Variants in TNS3 observed in about 807,000 individuals in gnomAD.
The protein encoded by TNS3 is tensin 3.
Under a neutral mutation model 140.9 loss-of-function variants are expected in TNS3, and 45 were observed. The ratio of observed to expected loss-of-function variants is 0.32; its 90% CI spans 0.25 to 0.41. The LOEUF (loss-of-function observed/expected upper bound fraction) is 0.41. TNS3 is among the 10% of genes least tolerant of loss of function. TNS3 has a pLI of 1.00. For missense variants in TNS3, 1,716 were observed against 1,906.7 expected (o/e 0.90, Z 1.86); for synonymous variants, 815 against 788.4 (o/e 1.03, Z -0.56).
At chr7:47,462,763 T>C (rs1796541481) in intron 4 of TNS3, among the ~76,000 whole-genome samples, 1 of 152,054 alleles carries the variant, frequency 6.6e-6, no homozygotes, top group Non-Finnish European at 1.5e-5. Flanking sequence ...CTTTTCTACC[T>C]CCCTAGAACT....
intron 13 of TNS3, chr7:47,405,586 A>G (rs1278492997): frequency 1.4e-6 from 1 of 703,024 alleles, no homozygotes. Flanking sequence ...GTGGGTAAAT[A>G]TTGGCTGCAA....
chr7:47,525,062 G>A (rs1799141906), intron 2 of TNS3, among the ~76,000 whole-genome samples: 1 of 152,150 alleles, frequency 6.6e-6, no homozygotes, highest in Non-Finnish European at 1.5e-5. Flanking sequence ...AAAAACCAGT[G>A]CTACACTGGG....
At chr7:47,326,428 T>C (rs1248526722) in intron 20 of TNS3, among the ~76,000 whole-genome samples, 1 of 152,110 alleles carries the variant, frequency 6.6e-6, no homozygotes, top group Non-Finnish European at 1.5e-5. Flanking sequence ...TGTAATACAA[T>C]TACTCTGCCC....
chr7:47,395,101 G>A (rs561695950), intron 16 of TNS3, among the ~76,000 whole-genome samples: 6 of 152,214 alleles, frequency 3.9e-5, no homozygotes, highest in Admixed American at 2.0e-4. Context: ...CTCCAGGCTC[G>A]CCCCTCCCTT....
intron 2 of TNS3, among the ~76,000 whole-genome samples, chr7:47,511,323 T>C (rs768875961): frequency 5.3e-5 from 8 of 152,128 alleles, no homozygotes; most frequent in Non-Finnish European, 1.2e-4. Flanking sequence ...GAAGACTGCA[T>C]GCAAGGGTAA....
At chr7:47,520,061 G>A (rs997097748) in intron 2 of TNS3, among the ~76,000 whole-genome samples, 3 of 151,712 alleles carry the variant, frequency 2.0e-5, no homozygotes, top group African/African-American at 4.8e-5. Flanking sequence ...TCCTGACCTC[G>A]TGATCCGCCT....
chr7:47,481,202 A>C (rs1365835474), intron 3 of TNS3, 61 bp from the exon 4 acceptor site: 7 of 1,244,638 alleles, frequency 5.6e-6, no homozygotes, highest in Non-Finnish European at 7.4e-6. Flanking sequence ...TTAGCATAAT[A>C]ATCAAGCCAG....
At chr7:47,386,578 G>A (rs1792084375) in intron 16 of TNS3, among the ~76,000 whole-genome samples, 1 of 152,220 alleles carries the variant, frequency 6.6e-6, no homozygotes, top group Non-Finnish European at 1.5e-5. Context: ...CTCCATGCCA[G>A]GTCTCCCCGA....
intron 16 of TNS3, among the ~76,000 whole-genome samples, chr7:47,382,848 A>C (rs536190269): frequency 3.3e-4 from 50 of 152,342 alleles, no homozygotes; most frequent in African/African-American, 1.2e-3. Flanking sequence ...AAGTGGACTC[A>C]CACAGTTCAA....
intron 16 of TNS3, among the ~76,000 whole-genome samples, chr7:47,378,556 C>T (rs1791546447): frequency 6.6e-6 from 1 of 152,146 alleles, no homozygotes; most frequent in African/African-American, 2.4e-5. Flanking sequence ...TGTTTGTTTC[C>T]TCGGTGACTG....
At chr7:47,339,920 T>A (rs1053507169) in intron 20 of TNS3, among the ~76,000 whole-genome samples, 1 of 148,248 alleles carries the variant, frequency 6.7e-6, no homozygotes. Flanking sequence ...TAGGTTTACA[T>A]CTAACCATTT....
intron 20 of TNS3, among the ~76,000 whole-genome samples, chr7:47,327,047 C>A (rs1238840413): frequency 6.6e-6 from 1 of 152,198 alleles, no homozygotes. Flanking sequence ...AGGCCAGCCA[C>A]GCAGAGGAGG....
intron 1 of TNS3, among the ~76,000 whole-genome samples, chr7:47,560,750 C>A (rs1481234324): frequency 6.6e-6 from 1 of 152,204 alleles, no homozygotes; most frequent in Non-Finnish European, 1.5e-5. Context: ...GAACAGTGTC[C>A]TTTCTGAGGT....
rs561720042 is a variant in TNS3 at position 47,360,511 on chromosome 7, G to C, written c.2281+7854C>G. On this transcript the variant is annotated intron_variant, in intron 17 of 30. Coordinates refer to ENST00000311160, the MANE Select transcript of TNS3 (RefSeq NM_022748.12). ...TTGGCTCCCAGACCTCCTCTATCCT[G>C]GTTCTCTGATGTGAGTACCAGGAAG... Among the ~76,000 whole-genome samples the C allele has an allele frequency of 7.9e-5, 12 of 152,296 alleles. No homozygotes were observed. The South Asian group carries it at 2.5e-3, about 32-fold the overall frequency.
At chr7:47,371,545 T>A (rs1022322460) in intron 16 of TNS3, among the ~76,000 whole-genome samples, 1 of 152,178 alleles carries the variant, frequency 6.6e-6, no homozygotes, top group Non-Finnish European at 1.5e-5. Flanking sequence ...TCAGTGGCCC[T>A]GCCCACAAAG....
intron 20 of TNS3, among the ~76,000 whole-genome samples, chr7:47,333,106 CTT>C (rs577514405): frequency 4.8e-5 from 7 of 147,176 alleles, no homozygotes; most frequent in Non-Finnish European, 3.0e-5. Context: ...AAGCCAACAC[CTT>C]TTTTTTTTTT....
intron 16 of TNS3, among the ~76,000 whole-genome samples, chr7:47,394,179 G>C (rs1792692726): frequency 6.6e-6 from 1 of 152,226 alleles, no homozygotes; most frequent in South Asian, 2.1e-4. Context: ...CACGCATTGA[G>C]TATCTGCTAT....
intron 24 of TNS3, 106 bp downstream of exon 24, chr7:47,296,974 ATT>A (rs2150659249): frequency 7.3e-7 from 1 of 1,370,748 alleles, no homozygotes; most frequent in African/African-American, 1.5e-5. Context: ...TAAGAATAAA[ATT>A]TGTGAGTATT....
intron 17 of TNS3, among the ~76,000 whole-genome samples, chr7:47,352,740 G>A (rs1233433579): frequency 2.0e-5 from 3 of 152,262 alleles, no homozygotes; most frequent in African/African-American, 7.2e-5. Flanking sequence ...CTCACTGAGA[G>A]CTGCCCCTCC....
Sources: allele counts gnomAD v4.1 joint callset (sites outside exome capture counted in the v4.1 genomes callset), GRCh38; gene constraint gnomAD v4.1.1; transcripts MANE v1.5; gene names NCBI Gene and HGNC (gene_info 2026-07-23, HGNC 2026-07-21).